NECAB2: variants seen among roughly 807,000 people sequenced by gnomAD.
NECAB2 encodes the protein N-terminal EF-hand calcium-binding protein 2.
In NECAB2, 68 loss-of-function variants were observed where a neutral mutation model predicts 51.9. That is an observed-to-expected ratio of 1.31 (90% CI 1.08 to 1.60). The LOEUF (loss-of-function observed/expected upper bound fraction) is 1.60. Ranked by LOEUF, NECAB2 falls within the 40% of genes most tolerant of loss-of-function variation. NECAB2 has a pLI of 0.00. For synonymous variants in NECAB2, 329 were observed against 203.5 expected, an observed-to-expected ratio of 1.62 and a Z score of -5.25; for missense variants, 854 against 490.3, an observed-to-expected ratio of 1.74 and a Z score of -7.00.
At chr16:83,994,245 T>C in intron 6 of NECAB2, 57 bp from the exon 7 acceptor site, 1 of 1,481,888 alleles carries the variant, frequency 6.7e-7, no homozygotes, top group Non-Finnish European at 9.4e-7. Context: ...ATGCTGGAAG[T>C]GGTAAGGGCC....
At chr16:83,976,233 G>A (rs1251090589) in intron 2 of NECAB2, among the ~76,000 whole-genome samples, 3 of 152,170 alleles carry the variant, frequency 2.0e-5, no homozygotes, top group African/African-American at 7.2e-5. Context: ...GGTAGGTGGC[G>A]ATGTCGCCAC....
intron 1 of NECAB2, among the ~76,000 whole-genome samples, chr16:83,969,648 G>T (rs2084327819): frequency 6.6e-6 from 1 of 152,096 alleles, no homozygotes; most frequent in African/African-American, 2.4e-5. Flanking sequence ...CCCCACCCGG[G>T]AGGGAGGAAT....
At chr16:84,000,230 A>G (rs998834089) in intron 10 of NECAB2, among the ~76,000 whole-genome samples, 1 of 152,172 alleles carries the variant, frequency 6.6e-6, no homozygotes, top group Non-Finnish European at 1.5e-5. Context: ...AAATGTTCAC[A>G]CTTTAACATG....
intron 6 of NECAB2, among the ~76,000 whole-genome samples, chr16:83,993,870 G>C (rs952182993): frequency 6.6e-6 from 1 of 152,242 alleles, no homozygotes; most frequent in Admixed American, 6.5e-5. Context: ...GGGGGGTCTT[G>C]AAACCAGGTC....
intron 8 of NECAB2, among the ~76,000 whole-genome samples, chr16:83,995,296 A>G (rs2084681824): frequency 6.6e-6 from 1 of 152,174 alleles, no homozygotes; most frequent in South Asian, 2.1e-4. Context: ...GGGCTCAGGT[A>G]TCAGTCAGAA....
At chr16:83,996,893 G>A (rs2084708247) in intron 8 of NECAB2, among the ~76,000 whole-genome samples, 2 of 152,088 alleles carry the variant, frequency 1.3e-5, no homozygotes, top group African/African-American at 4.8e-5. Flanking sequence ...AGGTGCTGGG[G>A]GTTATGATTT....
chr16:83,968,601 TGGGCGGGGGTCGGCGGGCTTCC>T lies in NECAB2; in HGVS notation c.-41_-20del. 4.1e-6 allele frequency: 4 copies of T among 969,972 alleles called. No homozygotes were observed. The highest frequency in any genetic ancestry group is 4.9e-6 in the Non-Finnish European group (4 of 820,720). 60.1% of individuals were successfully genotyped at this position (969,972 alleles called of 1,614,324 possible). Reference sequence around the variant, plus strand: ...GGGTCGCGCGGGGGCGGGCCGCAGCTGGGCGGGGGTCGGCGGGCTTCCGGGCGGCGGCGGCGGGCGCGGCGCG... The same window carrying T: ...GGGTCGCGCGGGGGCGGGCCGCAGCTGGGCGGCGGCGGCGGGCGCGGCGCG... On this transcript the variant is annotated 5_prime_UTR_variant, in exon 1 of 13. Transcript: ENST00000305202.
At chr16:83,987,355 G>A (rs2084569360) in intron 5 of NECAB2, among the ~76,000 whole-genome samples, 1 of 152,096 alleles carries the variant, frequency 6.6e-6, no homozygotes, top group Non-Finnish European at 1.5e-5. Context: ...TTAAATCTTT[G>A]TGTTTCTAAT....
intron 10 of NECAB2, among the ~76,000 whole-genome samples, chr16:84,000,172 G>C (rs111914748): frequency 0.067 from 10,239 of 152,138 alleles, 1,086 homozygotes; most frequent in African/African-American, 0.23. Context: ...AAAGTTCTGC[G>C]ATTACAGGCG....
rs939276157 is a variant in NECAB2 at position 83,984,274 on chromosome 16, C to T, written c.459+3147C>T. ...CCTCCCAAAGTGCTGGGATTACAGG[C>T]GTGAGCCACCGCGCCCGGCGGAATA... On this transcript the variant is annotated intron_variant, in intron 5 of 12. Transcript: ENST00000305202. Among the ~76,000 whole-genome samples the T allele has an allele frequency of 2.0e-4, 31 of 151,846 alleles. 1 individual carries two copies. Among genetic ancestry groups the T allele is most frequent in the South Asian group, 4.2e-4 (2 of 4,790 alleles).
rs1419612373 is a variant in NECAB2 at position 83,968,268 on chromosome 16, G to A, written c.-381G>A. On this transcript the variant is annotated 5_prime_UTR_variant, in exon 1 of 13. Transcript: ENST00000305202. ...CCTCTGCTGCGCGCCGCGAGTGGGA[G>A]GGGGGACTTTAGAAGCGGGGAGAGC... 6.6e-6 allele frequency among the ~76,000 whole-genome samples: 1 copy of A among 151,468 alleles called. No individual in the cohort carries two copies. Among genetic ancestry groups the A allele is most frequent in the African/African-American group, 2.4e-5 (1 of 41,352 alleles).
intron 6 of NECAB2, chr16:83,993,334 C>T (rs909484457): frequency 1.3e-5 from 2 of 152,190 alleles, no homozygotes; most frequent in Non-Finnish European, 1.5e-5. Flanking sequence ...CCAGCCTCTC[C>T]CCTCCCAAGG....
At chr16:83,994,944 C>T (rs1336704157) in intron 8 of NECAB2, among the ~76,000 whole-genome samples, 2 of 152,118 alleles carry the variant, frequency 1.3e-5, no homozygotes, top group African/African-American at 4.8e-5. Context: ...CTGCAGGCAG[C>T]AGGAGCAGCT....
intron 8 of NECAB2, among the ~76,000 whole-genome samples, chr16:83,995,368 T>A (rs2084682848): frequency 6.6e-6 from 1 of 150,768 alleles, no homozygotes; most frequent in Admixed American, 6.5e-5. Flanking sequence ...TCTCTGAGGC[T>A]TAGATTCCTC....
chr16:83,976,474 G>T (rs1365156454), intron 2 of NECAB2, among the ~76,000 whole-genome samples: 1 of 152,216 alleles, frequency 6.6e-6, no homozygotes, highest in African/African-American at 2.4e-5. Context: ...TGGGATTCCT[G>T]GGTTTTATCT....
intron 10 of NECAB2, 145 bp downstream of exon 10, chr16:83,998,462 C>A: frequency 1.4e-6 from 1 of 738,776 alleles, no homozygotes; most frequent in Non-Finnish European, 2.2e-6. Context: ...GAAGTGGGTT[C>A]AGGTCTCTAC....
At chr16:83,967,321 G>T (rs1200273261), upstream of NECAB2, among the ~76,000 whole-genome samples, 1 of 146,612 alleles carries the variant, frequency 6.8e-6, no homozygotes, top group Non-Finnish European at 1.5e-5. Context: ...CACCTGCCTG[G>T]CACCTAGTGG....
At chr16:83,974,037 CA>C (rs11339116) in intron 2 of NECAB2, among the ~76,000 whole-genome samples, 20,285 of 151,870 alleles carry the variant, frequency 0.13, 3,679 homozygotes, top group African/African-American at 0.41. Context: ...GCCATGTGTC[CA>C]CCCCCTGAGC....
rs1407119065 is a variant in NECAB2, at chr16:83,968,566, C to G, written c.-83C>G. The G allele has an allele frequency of 1.1e-6, 1 of 950,334 alleles. No homozygotes were observed. The highest frequency in any genetic ancestry group is 1.2e-6 in the Non-Finnish European group (1 of 801,542). 58.9% of individuals were successfully genotyped at this position (950,334 alleles called of 1,614,324 possible). ...AGAGAGGGCGGGGCGGCGCGGGCAGCGCGGGGAGGGGGTCGCGCGGGGGCG... is the reference window on the plus strand; with the variant it reads ...AGAGAGGGCGGGGCGGCGCGGGCAGGGCGGGGAGGGGGTCGCGCGGGGGCG... On this transcript the variant is annotated 5_prime_UTR_variant, in exon 1 of 13. Coordinates refer to ENST00000305202, the MANE Select transcript of NECAB2 (RefSeq NM_019065.3).
Sources: allele counts gnomAD v4.1 joint callset (sites outside exome capture counted in the v4.1 genomes callset), GRCh38; gene constraint gnomAD v4.1.1; transcripts MANE v1.5; gene names NCBI Gene and HGNC (gene_info 2026-07-23, HGNC 2026-07-21).